GFAP: variants seen among roughly 807,000 people sequenced by gnomAD.
GFAP encodes the protein intermediate filament protein.
A neutral mutation model predicts 49.3 loss-of-function variants in GFAP; 38 were observed. That is an observed-to-expected ratio of 0.77 (90% CI 0.60 to 1.01). The LOEUF (loss-of-function observed/expected upper bound fraction) is 1.01, where lower values mean the gene tolerates loss of function less well. Ranked by LOEUF, GFAP falls within the 50% of genes least tolerant of loss-of-function variation. GFAP has a pLI of 0.00. For synonymous variants in GFAP, 222 were observed against 236.4 expected (o/e 0.94, Z 0.56); for missense variants, 463 against 579.1 (o/e 0.80, Z 2.06).
At chr17:44,912,631 T>C (rs1366870456) in intron 4 of GFAP, 3 of 158,050 alleles carry the variant, frequency 1.9e-5, no homozygotes, top group African/African-American at 7.2e-5. Flanking sequence ...CCCTCCCTTC[T>C]TCTCTTCCTG....
chr17:44,905,159 G>A lies in GFAP; in HGVS notation c.*2188C>T. 9.5e-7 allele frequency: 1 copy of A among 1,057,140 alleles called. No homozygotes were observed. The highest frequency in any genetic ancestry group is 1.4e-6 in the Non-Finnish European group (1 of 732,222). The allele number at this position is 1,057,140 out of a possible 1,614,324, so 65.5% of individuals were successfully genotyped here. ...TCTCTGGGTGGGTACCCTGGGTTGG[G>A]ACAGGTGGTAGGAACATGTGGACAA... On this transcript the variant is annotated 3_prime_UTR_variant, in exon 9 of 9. Coordinates refer to ENST00000588735, the MANE Select transcript of GFAP (RefSeq NM_002055.5).
chr17:44,911,473 G>GC lies in GFAP; in HGVS notation c.907-18dup, dbSNP rs750908115. ...GGACTCGTTCTGTGGGATGGAGCCG[G>GC]CCGGTCCCGCGGAGCCCCGACCCGA... is the stretch of plus-strand genomic sequence containing the variant. On this transcript the variant is annotated splice_polypyrimidine_tract_variant and intron_variant, in intron 5 of 8. Transcript: ENST00000588735. The GC allele has an allele frequency of 2.5e-6, 4 of 1,588,772 alleles. No individual in the cohort carries two copies. In the African/African-American group the frequency reaches 4.0e-5, roughly 16 times the overall value.
rs1280463682 is a variant in GFAP at position 44,915,070 on chromosome 17, A to G, written c.417T>C (p.Val139=). The change falls in exon 1 of 9, where the codon GTT becomes GTC. Residue 139 remains valine (V), a synonymous_variant. Coordinates refer to ENST00000588735, the MANE Select transcript of GFAP (RefSeq NM_002055.5). This position sits in a 1 kb window ranked among gnomAD's most constrained non-coding sequence, Gnocchi z 4.1. ...GGTCCTGTGCCAGATTGTCCCTCTC[A>G]ACCTCCAGCCGGGCGCTGTTGGCGG... ...QLTANSARLE[V]ERDNLAQDLA... 6.2e-7 allele frequency: 1 copy of G among 1,612,848 alleles called. No individual in the cohort carries two copies. Among genetic ancestry groups the G allele is most frequent in the Non-Finnish European group, 8.5e-7 (1 of 1,179,936 alleles).
chr17:44,903,787 C>G lies in GFAP; in HGVS notation c.*3560G>C. ...CTAGGAGCCCTATGAGCCTTTAATG[C>G]CCTGGTTTTGCCCTGCCCCTCTGAC... On this transcript the variant is annotated 3_prime_UTR_variant, in exon 9 of 9. Coordinates refer to ENST00000588735, the MANE Select transcript of GFAP (RefSeq NM_002055.5). 6.6e-7 allele frequency: 1 copy of G among 1,515,630 alleles called. No individual in the cohort carries two copies. Among genetic ancestry groups the G allele is most frequent in the Non-Finnish European group, 8.8e-7 (1 of 1,130,210 alleles). The allele number at this position is 1,515,630 out of a possible 1,614,324, so 93.9% of individuals were successfully genotyped here.
Position 44,905,695 on chromosome 17 carries a change from T to TAGC in GFAP, c.*1649_*1651dup, listed in dbSNP as rs913727490. On this transcript the variant is annotated 3_prime_UTR_variant, in exon 9 of 9. Coordinates refer to ENST00000588735, the MANE Select transcript of GFAP (RefSeq NM_002055.5). ...AAGGCAGCAGCAGTGCCCTGAAGAT[T>TAGC]AGCAGCAGCAGCAGCAGCAGGTGGC... 18 of 156,898 alleles carry TAGC rather than the reference T, an allele frequency of 1.1e-4. No homozygotes were observed. Among genetic ancestry groups the TAGC allele is most frequent in the East Asian group, 7.5e-4 (4 of 5,342 alleles). The allele number at this position is 156,898 out of a possible 1,614,324, so 9.7% of individuals were successfully genotyped here.
chr17:44,903,717 G>A lies in GFAP; in HGVS notation c.*3630C>T. The stretch of plus-strand genomic sequence containing the variant: ...CAGATTGTTGCTGCTTTTCCTGGCT[G>A]CATAATCCTTTCCTCATCTAGAGGC... On this transcript the variant is annotated 3_prime_UTR_variant, in exon 9 of 9. Transcript: ENST00000588735. 4 of 1,444,596 alleles carry A rather than the reference G, an allele frequency of 2.8e-6. No individual in the cohort carries two copies. Among genetic ancestry groups the A allele is most frequent in the Non-Finnish European group, 3.6e-6 (4 of 1,103,436 alleles). 89.5% of individuals were successfully genotyped at this position (1,444,596 alleles called of 1,614,324 possible).
chr17:44,908,428 G>T (rs2051688570), intron 7 of GFAP: 2 of 360,048 alleles, frequency 5.6e-6, no homozygotes, highest in South Asian at 5.1e-5. Flanking sequence ...ACCCAGCACG[G>T]TATTGAAATC....
Position 44,908,074 on chromosome 17 carries a change from C to T in GFAP, c.1247G>A (p.Arg416Gln), listed in dbSNP as rs201270155. The T allele has an allele frequency of 8.4e-5, 135 of 1,605,672 alleles. 1 individual carries two copies. Among genetic ancestry groups the T allele is most frequent in the Middle Eastern group, 8.3e-4 (5 of 6,058 alleles). ...CAAATCCCTCCTTACCTCTCCATCC[C>T]GCATCTCCACGGTCTTCACCACGAT... Reference protein sequence around the residue: ...RNIVVKTVEMRDGEVIKESKQ... With the variant: ...RNIVVKTVEMQDGEVIKESKQ... The change falls in exon 8 of 9, where the codon CGG (arginine) becomes CAG (glutamine). Residue 416 changes from arginine to glutamine, a missense_variant. This residue lies in a region of GFAP where 362 missense variants were observed against 445.5 expected (regional missense o/e 0.81). Transcript: ENST00000588735.
chr17:44,911,591 T>TCCCTGGCCCTTCTC, intron 5 of GFAP, 81 bp downstream of exon 5: 1 of 1,588,674 alleles, frequency 6.3e-7, no homozygotes, highest in Non-Finnish European at 8.5e-7. Flanking sequence ...CAGGTCCTCG[T>TCCCTGGCCCTTCTC]CCCTGGCCCT....
At position 44,911,617 on chromosome 17, in the gene GFAP, C is replaced by G. The variant is rs934573154; in HGVS notation, c.906+55G>C. ...CCCTGGCCCTTCTCCCCTGGCATCT[C>G]CTGGGGTGGCCGTCCCTGCTCCGCC... On this transcript the variant is annotated intron_variant, in intron 5 of 8. Transcript: ENST00000588735. 3.1e-6 allele frequency: 5 copies of G among 1,601,884 alleles called. No homozygotes were observed. The African/African-American group carries it at 6.7e-5, about 21-fold the overall frequency.
intron 5 of GFAP, 35 bp downstream of exon 5, chr17:44,911,637 T>C: frequency 1.2e-6 from 2 of 1,606,730 alleles, no homozygotes; most frequent in Non-Finnish European, 1.7e-6. Flanking sequence ...CCGTCCCTGC[T>C]CCGCCCGTCC....
intron 1 of GFAP, 167 bp from the exon 2 acceptor site, chr17:44,914,255 G>A: frequency 1.6e-6 from 1 of 611,262 alleles, no homozygotes; most frequent in Non-Finnish European, 2.9e-6. Context: ...CTTGTCTGGA[G>A]GATGAGCAGA....
chr17:44,904,001 G>A lies in GFAP; in HGVS notation c.*3346C>T, dbSNP rs774279722. The A allele has an allele frequency of 3.2e-5, 49 of 1,550,502 alleles. No homozygotes were observed. The highest frequency in any genetic ancestry group is 2.0e-4 in the East Asian group (8 of 40,930). ...TGAGCTTCCCTGTCACTGCAAACCC[G>A]AAGAGGTGCCAGCTGTAGTCTGGTT... On this transcript the variant is annotated 3_prime_UTR_variant, in exon 9 of 9. Transcript: ENST00000588735.
intron 7 of GFAP, chr17:44,910,271 A>T: frequency 6.2e-7 from 1 of 1,613,940 alleles, no homozygotes. Context: ...CTGTAGTGAC[A>T]AGCAGTTAAA....
chr17:44,915,499 C>A lies in GFAP; in HGVS notation c.-13G>T, dbSNP rs1456500501. ...GTCTCCTCTCCATCCTGCTCTGGCT[C>A]TGCTCGCTCCTGGGATGCGAGGGCT... On this transcript the variant is annotated 5_prime_UTR_variant, in exon 1 of 9. Coordinates refer to ENST00000588735, the MANE Select transcript of GFAP (RefSeq NM_002055.5). The surrounding 1 kb of genome is among the most constrained non-coding windows in gnomAD (Gnocchi z 4.1). 6.4e-7 allele frequency: 1 copy of A among 1,550,898 alleles called. No homozygotes were observed. Among genetic ancestry groups the A allele is most frequent in the South Asian group, 1.2e-5 (1 of 85,354 alleles).
Position 44,907,087 on chromosome 17 carries a change from C to G in GFAP, c.*260G>C. 3.5e-6 allele frequency: 2 copies of G among 574,214 alleles called. No homozygotes were observed. Among genetic ancestry groups the G allele is most frequent in the Admixed American group, 6.0e-5 (2 of 33,538 alleles). The allele number at this position is 574,214 out of a possible 1,614,324, so 35.6% of individuals were successfully genotyped here. On this transcript the variant is annotated 3_prime_UTR_variant, in exon 9 of 9. Transcript: ENST00000588735. ...CCTCATTCTAACGCAAGCTGCTGGC[C>G]ATGCCCCTCCAGACTGCCCCTTGGG...
At position 44,913,788 on chromosome 17, in the gene GFAP, C is replaced by T. The variant is rs1186873350; in HGVS notation, c.558G>A (p.Leu186=). ...CCTCCAGCGACTCAATCTTCCTCTC[C>T]AGATCCAGACGGGCCAGGGTGGCTT... ...ADEATLARLD[L]ERKIESLEEE... Residue 186 remains leucine, a synonymous_variant, in exon 3 of 9, where the codon CTG becomes CTA. Coordinates refer to ENST00000588735, the MANE Select transcript of GFAP (RefSeq NM_002055.5). 6.2e-7 allele frequency: 1 copy of T among 1,614,090 alleles called. No individual in the cohort carries two copies. The highest frequency in any genetic ancestry group is 8.5e-7 in the Non-Finnish European group (1 of 1,180,030).
chr17:44,910,673 A>T lies in GFAP; in HGVS notation c.1128-15T>A. On this transcript the variant is annotated splice_polypyrimidine_tract_variant and intron_variant, in intron 6 of 8. Transcript: ENST00000588735. ...GAATGGTGATCCTGAAAGAAAGCAGAGGGAGAGGGCTGCCCGGGCTGCCTG... is the reference window on the plus strand; with the variant it reads ...GAATGGTGATCCTGAAAGAAAGCAGTGGGAGAGGGCTGCCCGGGCTGCCTG... The T allele has an allele frequency of 1.3e-6, 2 of 1,584,886 alleles. No homozygotes were observed. The highest frequency in any genetic ancestry group is 1.7e-6 in the Non-Finnish European group (2 of 1,165,588).
chr17:44,911,190 G>T (rs773171143), intron 6 of GFAP, 46 bp downstream of exon 6: 11 of 1,534,412 alleles, frequency 7.2e-6, no homozygotes, highest in Admixed American at 5.0e-5. Context: ...GAGCTCTACC[G>T]TGAGGCAGCA....
Sources: gnomAD v4.1 joint callset for allele counts on GRCh38, gnomAD v4.1.1 for gene constraint, gnomAD v4.1.1 regional missense constraint, Gnocchi (gnomAD v3.1) non-coding constraint, MANE v1.5 for transcripts, NCBI Gene and HGNC (gene_info 2026-07-23, HGNC 2026-07-21) for gene names.